Variants in ADGRL2 observed in about 807,000 individuals in gnomAD.
The protein encoded by ADGRL2 is adhesion G protein-coupled receptor L2.
In ADGRL2, 44 loss-of-function variants were observed where a neutral mutation model predicts 157.4. The observed-to-expected ratio is 0.28, with a 90% CI of 0.22 to 0.36. ADGRL2 has a LOEUF of 0.36. Ranked by LOEUF, ADGRL2 falls within the 10% of genes least tolerant of loss-of-function variation. ADGRL2 has a pLI of 1.00. For synonymous variants in ADGRL2, 585 were observed against 624.7 expected, an observed-to-expected ratio of 0.94 and a Z score of 0.95; for missense variants, 1,510 against 1,768.9, an observed-to-expected ratio of 0.85 and a Z score of 2.63.
At chr1:81,433,262 T>A (rs573692062) in intron 1 of ADGRL2, among the ~76,000 whole-genome samples, 1 of 152,230 alleles carries the variant, frequency 6.6e-6, no homozygotes, top group African/African-American at 2.4e-5. Context: ...ATAATTCTCA[T>A]AATTTTACAA....
At chr1:81,745,204 A>G (rs577378758) in intron 1 of ADGRL2, among the ~76,000 whole-genome samples, 19 of 152,322 alleles carry the variant, frequency 1.2e-4, no homozygotes, top group African/African-American at 4.6e-4. Context: ...AGACTTAATA[A>G]TAACAAAAAT....
intron 2 of ADGRL2, among the ~76,000 whole-genome samples, chr1:81,877,048 C>G (rs139573154): frequency 9.1e-4 from 139 of 152,246 alleles, no homozygotes; most frequent in African/African-American, 3.2e-3. Flanking sequence ...AGCCTTAACT[C>G]CTGTTCCTGT....
intron 1 of ADGRL2, among the ~76,000 whole-genome samples, chr1:81,314,323 A>G (rs1044795779): frequency 6.6e-6 from 1 of 152,204 alleles, no homozygotes; most frequent in Non-Finnish European, 1.5e-5. Flanking sequence ...TTGTGTGTGT[A>G]TGGAAGACAA....
At chr1:81,477,871 A>G (rs1025364173) in intron 2 of ADGRL2, among the ~76,000 whole-genome samples, 1 of 152,144 alleles carries the variant, frequency 6.6e-6, no homozygotes, top group African/African-American at 2.4e-5. Context: ...AGCTGCTGCA[A>G]ACATTTTTGA....
intron 3 of ADGRL2, among the ~76,000 whole-genome samples, chr1:81,674,002 A>T (rs1432427335): frequency 6.6e-6 from 1 of 152,202 alleles, no homozygotes; most frequent in Admixed American, 6.5e-5. Flanking sequence ...ACCCATGTAA[A>T]TAATTTTTAT....
chr1:81,324,512 A>T (rs1373015461), intron 1 of ADGRL2, among the ~76,000 whole-genome samples: 3 of 150,114 alleles, frequency 2.0e-5, no homozygotes, highest in Non-Finnish European at 4.4e-5. Flanking sequence ...CTGTCTCAAA[A>T]AAAAAAAAAT....
At chr1:81,521,970 T>TG (rs1373925036) in intron 2 of ADGRL2, among the ~76,000 whole-genome samples, 3 of 151,074 alleles carry the variant, frequency 2.0e-5, no homozygotes, top group African/African-American at 7.3e-5. Flanking sequence ...ACTTTTTGTT[T>TG]TTTTTTTTTT....
chr1:81,473,433 A>G (rs1408636609), intron 2 of ADGRL2, among the ~76,000 whole-genome samples: 1 of 152,236 alleles, frequency 6.6e-6, no homozygotes, highest in East Asian at 1.9e-4. Flanking sequence ...AAAAATGTGA[A>G]ATATCTGATT....
At chr1:81,863,706 T>C (rs1344697545) in intron 2 of ADGRL2, among the ~76,000 whole-genome samples, 2 of 152,182 alleles carry the variant, frequency 1.3e-5, no homozygotes, top group Non-Finnish European at 2.9e-5. Context: ...CCAGGTATCA[T>C]ATATTGAGTG....
chr1:81,780,081 G>A (rs1319921134), intron 2 of ADGRL2, among the ~76,000 whole-genome samples: 3 of 152,086 alleles, frequency 2.0e-5, no homozygotes, highest in Non-Finnish European at 4.4e-5. Context: ...TATCACTTCT[G>A]TGTTTCTCAT....
intron 1 of ADGRL2, among the ~76,000 whole-genome samples, chr1:81,431,208 G>GT (rs1183259573): frequency 6.6e-6 from 1 of 152,118 alleles, no homozygotes; most frequent in African/African-American, 2.4e-5. Context: ...TGTTTTGGAG[G>GT]TAGGGTGGGG....
At chr1:81,465,699 T>C (rs1438702698) in intron 2 of ADGRL2, among the ~76,000 whole-genome samples, 2 of 152,196 alleles carry the variant, frequency 1.3e-5, no homozygotes, top group Non-Finnish European at 2.9e-5. Flanking sequence ...CTTAGAGAAA[T>C]GTTGTCTCAC....
chr1:81,554,631 T>G (rs2080229673), intron 2 of ADGRL2, among the ~76,000 whole-genome samples: 1 of 152,238 alleles, frequency 6.6e-6, no homozygotes, highest in East Asian at 1.9e-4. Flanking sequence ...TGCCTAAAAC[T>G]TAATCAGTTT....
At chr1:81,390,290 G>A (rs112179208) in intron 1 of ADGRL2, among the ~76,000 whole-genome samples, 1,209 of 151,178 alleles carry the variant, frequency 8.0e-3, no homozygotes, top group African/African-American at 0.029. Context: ...GTTGAAAAAC[G>A]TAAAAGAGTT....
chr1:81,497,393 A>G (rs1261181442), intron 2 of ADGRL2, among the ~76,000 whole-genome samples: 1 of 151,878 alleles, frequency 6.6e-6, no homozygotes, highest in Non-Finnish European at 1.5e-5. Context: ...CCATGTTGCT[A>G]TGGTTTTTTT....
At chr1:81,927,647 C>T (rs2095138556) in intron 3 of ADGRL2, among the ~76,000 whole-genome samples, 1 of 151,812 alleles carries the variant, frequency 6.6e-6, no homozygotes, top group Admixed American at 6.6e-5. Flanking sequence ...CCTAACATAC[C>T]TATAGGATTA....
At chr1:81,328,625 A>C (rs1661059677) in intron 1 of ADGRL2, among the ~76,000 whole-genome samples, 1 of 152,186 alleles carries the variant, frequency 6.6e-6, no homozygotes, top group Admixed American at 6.6e-5. Flanking sequence ...TAATTTTATT[A>C]GCTGAGATAA....
chr1:81,562,370 C>A (rs2080462881), intron 2 of ADGRL2, among the ~76,000 whole-genome samples: 1 of 152,098 alleles, frequency 6.6e-6, no homozygotes, highest in Non-Finnish European at 1.5e-5. Context: ...CCCATATTTT[C>A]ATTTAAAGGA....
intron 2 of ADGRL2, among the ~76,000 whole-genome samples, chr1:81,518,853 T>A (rs1037907153): frequency 6.6e-6 from 1 of 152,026 alleles, no homozygotes; most frequent in Non-Finnish European, 1.5e-5. Flanking sequence ...TTAAATGAGA[T>A]ATATAACAAG....
Sources: gnomAD v4.1 joint callset for allele counts (sites outside exome capture counted in the v4.1 genomes callset) on GRCh38, gnomAD v4.1.1 for gene constraint, MANE v1.5 for transcripts, NCBI Gene and HGNC (gene_info 2026-07-23, HGNC 2026-07-21) for gene names.